Variants in EXOC4 observed in about 807,000 individuals in gnomAD.
EXOC4 encodes SEC8-like 1.
A neutral mutation model predicts 107.2 loss-of-function variants in EXOC4; 71 were observed. The ratio of observed to expected loss-of-function variants is 0.66; its 90% confidence interval spans 0.55 to 0.81. The LOEUF is 0.81. EXOC4 is among the 30% of genes least tolerant of loss of function. EXOC4 has a pLI of 0.00. For synonymous variants in EXOC4, 456 were observed against 441.2 expected, an observed-to-expected ratio of 1.03 and a Z score of -0.42; for missense variants, 1,108 against 1,189.6, an observed-to-expected ratio of 0.93 and a Z score of 1.01.
chr7:133,966,667 G>A (rs779918756), intron 14 of EXOC4, among the ~76,000 whole-genome samples: 3 of 152,186 alleles, frequency 2.0e-5, no homozygotes, highest in Non-Finnish European at 4.4e-5. Context: ...GCATCCCAGG[G>A]ATGAAGCCAA....
chr7:134,084,709 TA>T, the EXOC4 span, among the ~76,000 whole-genome samples: 5,475 of 83,178 alleles, frequency 0.066, 135 homozygotes, highest in Non-Finnish European at 0.092. Context: ...GGTGCAGCCG[TA>T]AAAAAAAAAA....
At chr7:133,297,852 A>C (rs1794552995) in intron 3 of EXOC4, among the ~76,000 whole-genome samples, 1 of 152,238 alleles carries the variant, frequency 6.6e-6, no homozygotes, top group South Asian at 2.1e-4. Flanking sequence ...CTGTGTTTGC[A>C]CACTTGAGTG....
At chr7:133,482,465 G>A (rs1799179934) in intron 9 of EXOC4, among the ~76,000 whole-genome samples, 1 of 152,178 alleles carries the variant, frequency 6.6e-6, no homozygotes, top group African/African-American at 2.4e-5. Flanking sequence ...GCTTGTATGA[G>A]TGAGAATGGA....
intron 12 of EXOC4, among the ~76,000 whole-genome samples, chr7:133,911,523 T>C (rs1423102015): frequency 4.6e-5 from 7 of 152,236 alleles, no homozygotes; most frequent in African/African-American, 1.7e-4. Context: ...TTCATTTGGA[T>C]GACTATTTTT....
intron 7 of EXOC4, among the ~76,000 whole-genome samples, chr7:133,460,329 A>T (rs1798561182): frequency 6.6e-6 from 1 of 152,106 alleles, no homozygotes; most frequent in African/African-American, 2.4e-5. Context: ...GGTTCCTAAC[A>T]GGCCATGGGC....
At chr7:133,432,362 C>A (rs1328926415) in intron 7 of EXOC4, among the ~76,000 whole-genome samples, 1 of 152,106 alleles carries the variant, frequency 6.6e-6, no homozygotes, top group East Asian at 1.9e-4. Flanking sequence ...AAATTCCTAC[C>A]TTACAACACA....
intron 14 of EXOC4, among the ~76,000 whole-genome samples, chr7:133,960,039 A>G (rs1417111706): frequency 6.6e-6 from 1 of 152,204 alleles, no homozygotes; most frequent in Non-Finnish European, 1.5e-5. Context: ...GGAAAGAGAA[A>G]GATCTCCAGA....
chr7:133,357,372 G>A (rs760444358), intron 6 of EXOC4, among the ~76,000 whole-genome samples: 1 of 152,184 alleles, frequency 6.6e-6, no homozygotes, highest in African/African-American at 2.4e-5. Context: ...TAGTCCATTT[G>A]ATTCTAAAAT....
chr7:133,880,007 C>T (rs895587016), intron 11 of EXOC4, among the ~76,000 whole-genome samples: 2 of 152,158 alleles, frequency 1.3e-5, no homozygotes, highest in African/African-American at 4.8e-5. Context: ...TGTCTCCTAA[C>T]TGCTACACAT....
At chr7:133,777,728 C>G (rs931855129) in intron 10 of EXOC4, among the ~76,000 whole-genome samples, 2 of 152,164 alleles carry the variant, frequency 1.3e-5, no homozygotes, top group South Asian at 2.1e-4. Flanking sequence ...CGCTAAACCT[C>G]TCTGTACTTT....
chr7:134,055,699 C>G (rs952929364), intron 17 of EXOC4, among the ~76,000 whole-genome samples: 3 of 152,202 alleles, frequency 2.0e-5, no homozygotes, highest in East Asian at 1.9e-4. Flanking sequence ...CACTCCAACT[C>G]TTTGTGCCTT....
chr7:133,988,533 G>A (rs1253669586), intron 14 of EXOC4, among the ~76,000 whole-genome samples: 2 of 152,150 alleles, frequency 1.3e-5, no homozygotes, highest in African/African-American at 2.4e-5. Flanking sequence ...TTTCACTGAA[G>A]TAATTAATGA....
chr7:134,045,236 A>T (rs938267329), intron 17 of EXOC4, among the ~76,000 whole-genome samples: 1 of 152,202 alleles, frequency 6.6e-6, no homozygotes, highest in African/African-American at 2.4e-5. Flanking sequence ...ATTCTAACCT[A>T]TATTTCTCGT....
chr7:133,403,119 G>A lies in EXOC4; in HGVS notation c.1182+28117G>A, dbSNP rs182172272. Among the ~76,000 whole-genome samples the A allele has an allele frequency of 3.3e-5, 5 of 151,756 alleles. 1 individual carries two copies. Among genetic ancestry groups the A allele is most frequent in the African/African-American group, 7.3e-5 (3 of 41,378 alleles). ...AGGATGGTCTTGATCTCCTGACCTC[G>A]TGATCCACCCGCCTCGGCCTCCCAA... On this transcript the variant is annotated intron_variant, in intron 7 of 17. Coordinates refer to ENST00000253861, the MANE Select transcript of EXOC4 (RefSeq NM_021807.4).
chr7:133,442,565 G>T (rs139947459), intron 7 of EXOC4, among the ~76,000 whole-genome samples: 3 of 152,080 alleles, frequency 2.0e-5, no homozygotes, highest in African/African-American at 7.2e-5. Context: ...TGGGGATGGG[G>T]AATGGACAAG....
intron 10 of EXOC4, among the ~76,000 whole-genome samples, chr7:133,769,922 C>T (rs974598956): frequency 1.3e-5 from 2 of 151,790 alleles, no homozygotes; most frequent in Non-Finnish European, 2.9e-5. Flanking sequence ...GCAAGTGCCT[C>T]GGTTTTGCTA....
At chr7:133,574,797 C>A (rs1260053569) in intron 9 of EXOC4, among the ~76,000 whole-genome samples, 1 of 152,210 alleles carries the variant, frequency 6.6e-6, no homozygotes, top group Non-Finnish European at 1.5e-5. Flanking sequence ...CACCCAGATA[C>A]ATCCGAAAAG....
intron 12 of EXOC4, among the ~76,000 whole-genome samples, chr7:133,917,044 CCTGACAACTGGGG>C (rs1291141278): frequency 6.6e-6 from 1 of 152,080 alleles, no homozygotes; most frequent in Non-Finnish European, 1.5e-5. Context: ...GCTTTTTCTG[CCTGACAACTGGGG>C]CTGAGGGTTT....
intron 7 of EXOC4, among the ~76,000 whole-genome samples, chr7:133,385,537 G>A (rs1002141567): frequency 1.3e-5 from 2 of 152,214 alleles, no homozygotes; most frequent in African/African-American, 4.8e-5. Context: ...GTCTTTCACA[G>A]AACTCCTTTG....
Sources: gnomAD v4.1 joint callset for allele counts (sites outside exome capture counted in the v4.1 genomes callset) on GRCh38, gnomAD v4.1.1 for gene constraint, MANE v1.5 for transcripts, NCBI Gene and HGNC (gene_info 2026-07-23, HGNC 2026-07-21) for gene names.